RPA3: variants seen among roughly 807,000 people sequenced by gnomAD.
RPA3 encodes the protein replication protein A 14 kDa subunit.
A neutral mutation model predicts 13.7 loss-of-function variants in RPA3; 24 were observed. That is an observed-to-expected ratio of 1.75 (90% confidence interval 1.27 to 2.46). The LOEUF (loss-of-function observed/expected upper bound fraction) is 2.46. RPA3 is among the 30% of genes most tolerant of loss of function. RPA3 has a pLI of 0.00. For missense variants in RPA3, 183 were observed against 151.0 expected (o/e 1.21, Z -1.11); for synonymous variants, 59 against 51.2 (o/e 1.15, Z -0.65).
At chr7:7,637,159 C>T in intron 7 of RPA3, 77 bp from the exon 8 acceptor site, 5 of 1,062,698 alleles carry the variant, frequency 4.7e-6, no homozygotes, top group Non-Finnish European at 7.2e-6. Context: ...GATATTTTTA[C>T]CTATTTCCTT....
In RPA3 at chr7:7,717,194, C is replaced by G. The variant is rs78217016; in HGVS notation, c.-1080+1321G>C. Among the ~76,000 whole-genome samples the G allele has an allele frequency of 5.3e-5, 8 of 151,980 alleles. No homozygotes were observed. In the East Asian group the frequency reaches 1.6e-3, roughly 30 times the overall value. On this transcript the variant is annotated intron_variant, in intron 1 of 7. Coordinates refer to ENST00000223129, the MANE Select transcript of RPA3 (RefSeq NM_002947.5). ...ACCTCTGCCTCCCGCGTAGCTGGGACTACCGGTATGCGCCACCACGCCCAG... is the reference window on the plus strand; with the variant it reads ...ACCTCTGCCTCCCGCGTAGCTGGGAGTACCGGTATGCGCCACCACGCCCAG...
chr7:7,638,100 G>T, intron 6 of RPA3, 128 bp from the exon 7 acceptor site: 5 of 568,806 alleles, frequency 8.8e-6, no homozygotes, highest in Non-Finnish European at 1.5e-5. Flanking sequence ...AATTACCAGT[G>T]TAAAAGTTAA....
intron 2 of RPA3, among the ~76,000 whole-genome samples, chr7:7,706,244 A>C (rs1355560436): frequency 2.0e-5 from 3 of 152,168 alleles, no homozygotes; most frequent in Non-Finnish European, 4.4e-5. Context: ...CTGAGATGAA[A>C]AAAATCATCA....
At chr7:7,646,979 A>T (rs979437009) in intron 4 of RPA3, among the ~76,000 whole-genome samples, 8 of 152,202 alleles carry the variant, frequency 5.3e-5, no homozygotes, top group Non-Finnish European at 1.0e-4. Context: ...AGCCCTCGCC[A>T]GGGACCCCAC....
At chr7:7,638,017 A>C (rs368977024) in intron 6 of RPA3, 45 bp from the exon 7 acceptor site, 9 of 1,476,148 alleles carry the variant, frequency 6.1e-6, no homozygotes, top group Middle Eastern at 1.7e-4. Context: ...TCACATTTTC[A>C]GTTGACAATT....
In RPA3 at chr7:7,699,120, C is replaced by T. The variant is rs573938034; in HGVS notation, c.-1027-11792G>A. ...TTTGCCTGCCTTGGCTTCCAAAGTG[C>T]TAGCATTATAGGTGTGAGCCACCGT... On this transcript the variant is annotated intron_variant, in intron 2 of 7. Transcript: ENST00000223129. Among the ~76,000 whole-genome samples, 9 of 151,964 alleles carry T rather than the reference C, an allele frequency of 5.9e-5. No individual in the cohort carries two copies. The East Asian group carries it at 1.7e-3, about 29-fold the overall frequency.
intron 4 of RPA3, among the ~76,000 whole-genome samples, chr7:7,646,095 T>C (rs192961250): frequency 1.4e-3 from 207 of 152,318 alleles, no homozygotes; most frequent in African/African-American, 4.6e-3. Context: ...ACAGTGCTCT[T>C]TTAGCCCTGC....
chr7:7,673,193 C>A, intron 4 of RPA3: 2 of 732,106 alleles, frequency 2.7e-6, no homozygotes. Flanking sequence ...TTACATGTGG[C>A]CATAGAATTC....
At chr7:7,676,544 T>C (rs906124017) in intron 4 of RPA3, among the ~76,000 whole-genome samples, 1 of 152,190 alleles carries the variant, frequency 6.6e-6, no homozygotes, top group African/African-American at 2.4e-5. Context: ...AACCTCTTTG[T>C]TTTTTAAAAA....
chr7:7,679,924 A>G (rs1334021995), intron 4 of RPA3, among the ~76,000 whole-genome samples: 2 of 151,800 alleles, frequency 1.3e-5, no homozygotes, highest in African/African-American at 4.8e-5. Flanking sequence ...AGTTCCTTAT[A>G]TATACTGATT....
intron 2 of RPA3, among the ~76,000 whole-genome samples, chr7:7,708,352 T>C (rs954765475): frequency 6.6e-6 from 1 of 152,204 alleles, no homozygotes; most frequent in African/African-American, 2.4e-5. Flanking sequence ...ACAAAATTAT[T>C]GATTGCTCAG....
At chr7:7,682,517 A>G (rs1405913359) in intron 4 of RPA3, among the ~76,000 whole-genome samples, 1 of 152,206 alleles carries the variant, frequency 6.6e-6, no homozygotes, top group Non-Finnish European at 1.5e-5. Context: ...AGCTGTATAC[A>G]TAAAAATTTA....
intron 4 of RPA3, among the ~76,000 whole-genome samples, chr7:7,642,434 C>T (rs906170837): frequency 2.0e-5 from 3 of 150,940 alleles, no homozygotes; most frequent in Non-Finnish European, 4.4e-5. Context: ...ACTGGAATTA[C>T]AGGTGTGAGC....
At chr7:7,650,782 G>A (rs1329019525) in intron 4 of RPA3, among the ~76,000 whole-genome samples, 1 of 152,176 alleles carries the variant, frequency 6.6e-6, no homozygotes, top group African/African-American at 2.4e-5. Context: ...TCTCCATCCA[G>A]TGATTTCCTC....
chr7:7,661,844 G>C (rs1377328308), intron 4 of RPA3, among the ~76,000 whole-genome samples: 1 of 152,214 alleles, frequency 6.6e-6, no homozygotes, highest in Non-Finnish European at 1.5e-5. Flanking sequence ...TGTGCTGGGA[G>C]ATGTACTGCT....
At position 7,676,109 on chromosome 7, in the gene RPA3, T is replaced by C. The variant is rs1779731154; in HGVS notation, c.-758+9721A>G. On this transcript the variant is annotated intron_variant, in intron 4 of 7. Transcript: ENST00000223129. Reference sequence around the variant, plus strand: ...CTCTTCCTTCTTCCGCAGAAGCATCTCAGAGGCTCTCCAGTGACGTGCTGT... The same window carrying C: ...CTCTTCCTTCTTCCGCAGAAGCATCCCAGAGGCTCTCCAGTGACGTGCTGT... 3 of 398,576 alleles carry C rather than the reference T, an allele frequency of 7.5e-6. No homozygotes were observed. The South Asian group carries it at 3.8e-4, about 51-fold the overall frequency. 24.7% of individuals were successfully genotyped at this position (398,576 alleles called of 1,614,324 possible).
intron 2 of RPA3, among the ~76,000 whole-genome samples, chr7:7,692,697 C>T (rs1780200812): frequency 6.6e-6 from 1 of 152,164 alleles, no homozygotes; most frequent in Admixed American, 6.5e-5. Context: ...GCAACCTCCA[C>T]CTCCTGGGTT....
chr7:7,645,348 G>C (rs1390742099), intron 4 of RPA3, among the ~76,000 whole-genome samples: 1 of 152,194 alleles, frequency 6.6e-6, no homozygotes, highest in Non-Finnish European at 1.5e-5. Flanking sequence ...TGTGAAAGAA[G>C]TCCACAGCTG....
At chr7:7,642,707 G>T (rs1187978527) in intron 4 of RPA3, among the ~76,000 whole-genome samples, 1 of 152,108 alleles carries the variant, frequency 6.6e-6, no homozygotes. Flanking sequence ...GAAATGAAAT[G>T]AATCCATGGG....
Sources: gnomAD v4.1 joint callset for allele counts (sites outside exome capture counted in the v4.1 genomes callset) on GRCh38, gnomAD v4.1.1 for gene constraint, MANE v1.5 for transcripts, NCBI Gene and HGNC (gene_info 2026-07-23, HGNC 2026-07-21) for gene names.